The following TEK variants were observed in gnomAD, a reference collection of about 807,000 sequenced individuals.
TEK encodes angiopoietin-1 receptor.
TEK carries 43 observed loss-of-function variants against 131.8 expected under a neutral mutation model. The observed-to-expected ratio is 0.33, with a 90% CI of 0.26 to 0.42. TEK has a LOEUF of 0.42. Ranked by LOEUF, TEK falls within the 10% of genes least tolerant of loss-of-function variation. The pLI is 1.00. For missense variants in TEK, 1,162 were observed against 1,384.4 expected (o/e 0.84, Z 2.55); for synonymous variants, 580 against 491.6 (o/e 1.18, Z -2.38).
intron 2 of TEK, among the ~76,000 whole-genome samples, chr9:27,165,270 C>A (rs1217746360): frequency 6.6e-6 from 1 of 152,096 alleles, no homozygotes; most frequent in African/African-American, 2.4e-5. Flanking sequence ...AATTCTCACA[C>A]AAAGGAGCAG....
chr9:27,206,636 G>T lies in TEK; in HGVS notation c.2419G>T (p.Val807Phe). 1 of 1,614,006 alleles carries T rather than the reference G, an allele frequency of 6.2e-7. No homozygotes were observed. Among genetic ancestry groups the T allele is most frequent in the Non-Finnish European group, 8.5e-7 (1 of 1,179,972 alleles). The change falls in exon 15 of 23, where the codon GTC becomes TTC. Residue 807 changes from valine to phenylalanine, a missense_variant. Transcript: ENST00000380036. ...AGGGACTCTGGCCCTAAACAGGAAG[G>T]TCAAAAACAACCCAGATCCTACAAT... is the stretch of plus-strand genomic sequence containing the variant. ...NSGTLALNRK[V>F]KNNPDPTIYP...
intron 4 of TEK, among the ~76,000 whole-genome samples, chr9:27,169,998 G>C (rs1337299215): frequency 6.6e-6 from 1 of 152,120 alleles, no homozygotes; most frequent in Non-Finnish European, 1.5e-5. Context: ...AGGTTTAATT[G>C]ACTCACAGTT....
At chr9:27,227,674 C>T (rs1826393196) in intron 21 of TEK, among the ~76,000 whole-genome samples, 1 of 152,074 alleles carries the variant, frequency 6.6e-6, no homozygotes, top group South Asian at 2.1e-4. Flanking sequence ...AGGGTTCTAC[C>T]CTCATGACCT....
intron 6 of TEK, among the ~76,000 whole-genome samples, chr9:27,177,397 C>G (rs1445162509): frequency 6.6e-6 from 1 of 152,180 alleles, no homozygotes; most frequent in Admixed American, 6.5e-5. Flanking sequence ...TTTCATTTCC[C>G]TGATGATCAG....
intron 11 of TEK, 59 bp from the exon 12 acceptor site, chr9:27,197,256 C>A: frequency 6.3e-7 from 1 of 1,576,184 alleles, no homozygotes; most frequent in Non-Finnish European, 8.7e-7. Context: ...TGGGTGGGGA[C>A]ACTAATCCAA....
chr9:27,140,139 G>C lies in TEK; in HGVS notation c.53-17692G>C, dbSNP rs78759980. On this transcript the variant is annotated intron_variant, in intron 1 of 22. Transcript: ENST00000380036. ...AGCAACACCAAACTTATTTAAGTTA[G>C]GCAAATTCAACTATATAATTCTTGA... Among the ~76,000 whole-genome samples, 622 of 152,224 alleles carry C rather than the reference G, an allele frequency of 4.1e-3. 2 individuals carry two copies. The highest frequency in any genetic ancestry group is 0.014 in the African/African-American group (593 of 41,548).
chr9:27,228,301 G>C lies in TEK; in HGVS notation c.3296G>C (p.Arg1099Pro). 1 of 1,611,210 alleles carries C rather than the reference G, an allele frequency of 6.2e-7. No individual in the cohort carries two copies. Among genetic ancestry groups the C allele is most frequent in the Non-Finnish European group, 8.5e-7 (1 of 1,177,802 alleles). ...TCCTTAAACAGAATGTTAGAGGAGC[G>C]AAAGGTAAGTATTAAAGTCAGGCAG... is the stretch of plus-strand genomic sequence containing the variant. ...LVSLNRMLEERKTYVNTTLYE... is the reference protein window; with the variant it reads ...LVSLNRMLEEPKTYVNTTLYE... Residue 1099 changes from arginine to proline, a missense_variant, in exon 22 of 23, where the codon CGA becomes CCA. By Grantham distance (103) the Arg-to-Pro change is moderately radical. Transcript: ENST00000380036.
At chr9:27,217,067 A>C (rs1264044971) in intron 18 of TEK, among the ~76,000 whole-genome samples, 1 of 152,220 alleles carries the variant, frequency 6.6e-6, no homozygotes, top group Non-Finnish European at 1.5e-5. Context: ...GCCTGGAGGC[A>C]GTCAGGACCA....
chr9:27,140,961 C>T (rs762769289), intron 1 of TEK, among the ~76,000 whole-genome samples: 42 of 151,892 alleles, frequency 2.8e-4, no homozygotes, highest in Non-Finnish European at 5.6e-4. Context: ...TTTCTTCATT[C>T]TTTTATTGGT....
At chr9:27,149,767 G>GTGGGTA (rs1401531626) in intron 1 of TEK, among the ~76,000 whole-genome samples, 5 of 152,170 alleles carry the variant, frequency 3.3e-5, no homozygotes, top group Non-Finnish European at 7.3e-5. Context: ...GGTTGTGGGT[G>GTGGGTA]TGGGTATGTA....
Position 27,226,715 on chromosome 9 carries a change from A to G in TEK, c.3201-1491A>G, listed in dbSNP as rs192239392. 2.6e-3 allele frequency among the ~76,000 whole-genome samples: 391 copies of G among 152,270 alleles called. 3 individuals are homozygous for G. Among genetic ancestry groups the G allele is most frequent in the African/African-American group, 8.9e-3 (369 of 41,566 alleles). ...TTCTCCACATGTATCCCAGAACTGAAAGTATAATAATAAAAAAATAAAGAT... is the reference window on the plus strand; with the variant it reads ...TTCTCCACATGTATCCCAGAACTGAGAGTATAATAATAAAAAAATAAAGAT... On this transcript the variant is annotated intron_variant, in intron 21 of 22. Transcript: ENST00000380036.
At position 27,173,084 on chromosome 9, in the gene TEK, A is replaced by G. The variant is rs3824408; in HGVS notation, c.761-138A>G. ...TATCAGTAAAATGGGCCATAAGGGT[A>G]TGTTCATCCTACCATGCCACAGCTG... On this transcript the variant is annotated intron_variant, in intron 5 of 22. Transcript: ENST00000380036. The G allele has an allele frequency of 0.051, 55,948 of 1,101,018 alleles. 1,815 individuals are homozygous for G. Among genetic ancestry groups the G allele is most frequent in the Middle Eastern group, 0.11 (517 of 4,652 alleles). The allele number at this position is 1,101,018 out of a possible 1,614,324, so 68.2% of individuals were successfully genotyped here. A position where few individuals can be genotyped will look rare whatever the true frequency, so the allele number is the denominator to read the frequency against.
At chr9:27,214,915 CA>C (rs1434343720) in intron 18 of TEK, among the ~76,000 whole-genome samples, 1 of 152,148 alleles carries the variant, frequency 6.6e-6, no homozygotes, top group Non-Finnish European at 1.5e-5. Flanking sequence ...TTCTCTGGAG[CA>C]GGGGTGGGCT....
chr9:27,187,742 C>A (rs889636686), intron 9 of TEK, among the ~76,000 whole-genome samples: 2 of 152,112 alleles, frequency 1.3e-5, no homozygotes, highest in African/African-American at 2.4e-5. Flanking sequence ...TGCGGCTTCT[C>A]TCCTTGGCTT....
In TEK at chr9:27,213,680, C is replaced by G; in HGVS notation, c.2991+83C>G. The G allele has an allele frequency of 2.9e-6, 3 of 1,021,682 alleles. No homozygotes were observed. The South Asian group carries it at 3.9e-5, about 13-fold the overall frequency. The allele number at this position is 1,021,682 out of a possible 1,614,324, so 63.3% of individuals were successfully genotyped here. On this transcript the variant is annotated intron_variant, in intron 18 of 22. Transcript: ENST00000380036. ...GATGTTGCTTCTGAGACTGTCAGTG[C>G]TCTGTGGTGACTGAAGCATCTGACT...
At chr9:27,122,244 T>C (rs1045960789) in intron 1 of TEK, among the ~76,000 whole-genome samples, 4 of 151,978 alleles carry the variant, frequency 2.6e-5, no homozygotes, top group Admixed American at 1.3e-4. Flanking sequence ...GTCTGGTGGG[T>C]GAGAAACCCT....
At chr9:27,137,895 G>C (rs1055505566) in intron 1 of TEK, among the ~76,000 whole-genome samples, 8 of 152,166 alleles carry the variant, frequency 5.3e-5, no homozygotes, top group African/African-American at 1.9e-4. Flanking sequence ...GTGGACCCTT[G>C]CGGTGAGTGT....
intron 15 of TEK, among the ~76,000 whole-genome samples, chr9:27,208,205 A>G (rs1825469579): frequency 6.6e-6 from 1 of 152,196 alleles, no homozygotes. Flanking sequence ...TTGACCCTCC[A>G]TGAGGCTTCT....
intron 1 of TEK, among the ~76,000 whole-genome samples, chr9:27,143,178 C>G (rs1822791820): frequency 6.6e-6 from 1 of 152,100 alleles, no homozygotes; most frequent in Non-Finnish European, 1.5e-5. Flanking sequence ...CGTAGGTAGA[C>G]CTAAAAGCAC....
Sources: allele counts gnomAD v4.1 joint callset (sites outside exome capture counted in the v4.1 genomes callset), GRCh38; gene constraint gnomAD v4.1.1; transcripts MANE v1.5; gene names NCBI Gene and HGNC (gene_info 2026-07-23, HGNC 2026-07-21).